The following CLEC16A variants were observed in gnomAD, a reference collection of about 807,000 sequenced individuals.
CLEC16A encodes the protein protein CLEC16A.
Under a neutral mutation model 109.5 loss-of-function variants are expected in CLEC16A, and 51 were observed. The ratio of observed to expected loss-of-function variants is 0.47; its 90% CI spans 0.37 to 0.59. The LOEUF is 0.59. Among genes scored for constraint, CLEC16A ranks in the 20% least tolerant of loss-of-function variants. CLEC16A has a pLI of 0.00. For synonymous variants in CLEC16A, 673 were observed against 564.2 expected, an observed-to-expected ratio of 1.19 and a Z score of -2.73; for missense variants, 1,339 against 1,394.0, an observed-to-expected ratio of 0.96 and a Z score of 0.63.
intron 13 of CLEC16A, among the ~76,000 whole-genome samples, chr16:11,029,319 T>C (rs2152823870): frequency 1.3e-5 from 2 of 152,276 alleles, no homozygotes; most frequent in East Asian, 3.9e-4. Context: ...GGCAGGTCTT[T>C]CCCTTTCTTC....
intron 19 of CLEC16A, among the ~76,000 whole-genome samples, chr16:11,098,114 A>G (rs941948618): frequency 6.6e-6 from 1 of 152,246 alleles, no homozygotes; most frequent in Non-Finnish European, 1.5e-5. Flanking sequence ...CAGTGATCCC[A>G]GGTGATCCTA....
chr16:10,944,631 T>G lies in CLEC16A; in HGVS notation c.-87T>G, dbSNP rs915027425. On this transcript the variant is annotated 5_prime_UTR_variant, in exon 1 of 24. Coordinates refer to ENST00000409790, the MANE Select transcript of CLEC16A (RefSeq NM_015226.3). ...CTCCACCGCCTCCGCCGCCGCATCC[T>G]CCGCTTGTGCTACCGCCGCGGGCGC... The G allele has an allele frequency of 7.6e-7, 1 of 1,315,650 alleles. No individual in the cohort carries two copies. Among genetic ancestry groups the G allele is most frequent in the African/African-American group, 1.5e-5 (1 of 67,918 alleles). The allele number at this position is 1,315,650 out of a possible 1,614,324, so 81.5% of individuals were successfully genotyped here. A position where few individuals can be genotyped will look rare whatever the true frequency, so the allele number is the denominator to read the frequency against.
chr16:11,128,880 A>G (rs2053008460), intron 22 of CLEC16A, among the ~76,000 whole-genome samples: 1 of 152,218 alleles, frequency 6.6e-6, no homozygotes, highest in Non-Finnish European at 1.5e-5. Flanking sequence ...AAGCCTTCTC[A>G]GGATCCCTAG....
At chr16:11,006,912 C>T (rs562152873) in intron 11 of CLEC16A, among the ~76,000 whole-genome samples, 2 of 152,136 alleles carry the variant, frequency 1.3e-5, no homozygotes, top group East Asian at 3.9e-4. Context: ...CACAGGGCCC[C>T]TAAATTTGCA....
At chr16:11,070,317 G>A (rs549722721) in intron 19 of CLEC16A, among the ~76,000 whole-genome samples, 65 of 151,674 alleles carry the variant, frequency 4.3e-4, no homozygotes, top group Non-Finnish European at 5.9e-4. Context: ...TGATCCGCCC[G>A]CCTCGGCCTC....
chr16:11,159,759 T>G (rs1469347346), intron 22 of CLEC16A, among the ~76,000 whole-genome samples: 1 of 152,062 alleles, frequency 6.6e-6, no homozygotes, highest in East Asian at 1.9e-4. Context: ...AAGCTCAGAG[T>G]TAAATGGTGA....
intron 11 of CLEC16A, among the ~76,000 whole-genome samples, chr16:11,015,855 C>G (rs2045714100): frequency 6.6e-6 from 1 of 152,198 alleles, no homozygotes; most frequent in South Asian, 2.1e-4. Context: ...AGAGCTGAGC[C>G]TGGGGAAGGA....
intron 13 of CLEC16A, among the ~76,000 whole-genome samples, chr16:11,037,560 C>T (rs963272194): frequency 3.3e-5 from 5 of 152,194 alleles, no homozygotes; most frequent in East Asian, 3.9e-4. Flanking sequence ...TCTAAGGAGA[C>T]GGAGGGGCAA....
intron 19 of CLEC16A, among the ~76,000 whole-genome samples, chr16:11,105,092 T>A (rs1364661299): frequency 6.6e-6 from 1 of 152,220 alleles, no homozygotes; most frequent in Non-Finnish European, 1.5e-5. Context: ...TTAGGCAATT[T>A]TATTTACTCA....
chr16:11,142,320 TG>T (rs1444414848), intron 22 of CLEC16A, among the ~76,000 whole-genome samples: 1 of 152,200 alleles, frequency 6.6e-6, no homozygotes, highest in Non-Finnish European at 1.5e-5. Context: ...AGTTGGAAGC[TG>T]GGGGCACTGT....
At chr16:11,133,992 A>T (rs1260748239) in intron 22 of CLEC16A, among the ~76,000 whole-genome samples, 1 of 152,058 alleles carries the variant, frequency 6.6e-6, no homozygotes, top group Non-Finnish European at 1.5e-5. Context: ...TAAGCACTTT[A>T]TGCATTATTC....
At position 10,944,756 on chromosome 16, in the gene CLEC16A, T is replaced by G; in HGVS notation, c.39T>G (p.His13Gln). ...CGCGGAGCTGGGTGGGCGGGGGCCATGGCAAGACTTCCCGCAACATCCACT... is the reference window on the plus strand; with the variant it reads ...CGCGGAGCTGGGTGGGCGGGGGCCAGGGCAAGACTTCCCGCAACATCCACT... ...GRSRSWVGGGHGKTSRNIHSL... is the reference protein window; with the variant it reads ...GRSRSWVGGGQGKTSRNIHSL... Residue 13 changes from histidine to glutamine, a missense_variant, in exon 1 of 24, where the codon CAT becomes CAG. Coordinates refer to ENST00000409790, the MANE Select transcript of CLEC16A (RefSeq NM_015226.3). The G allele has an allele frequency of 6.2e-7, 1 of 1,609,786 alleles. No homozygotes were observed. Among genetic ancestry groups the G allele is most frequent in the Non-Finnish European group, 8.5e-7 (1 of 1,178,920 alleles).
rs1240358926 is a variant in CLEC16A, at chr16:11,039,882, C to CA, written c.1660+7dup. 1.2e-6 allele frequency: 2 copies of CA among 1,611,634 alleles called. No homozygotes were observed. Among genetic ancestry groups the CA allele is most frequent in the Admixed American group, 1.7e-5 (1 of 59,762 alleles). On this transcript the variant is annotated splice_region_variant and intron_variant, in intron 14 of 23. Transcript: ENST00000409790. ...GAACAACGCTGCCCAGCCAGGTGCC[C>CA]ACTTGGGGTGTTGTCTGTCCACAGG...
intron 5 of CLEC16A, among the ~76,000 whole-genome samples, chr16:10,972,226 C>T (rs1179932963): frequency 6.6e-6 from 1 of 152,248 alleles, no homozygotes; most frequent in Non-Finnish European, 1.5e-5. Context: ...GGCCCACAGT[C>T]CTGCAGTTGG....
At chr16:10,986,671 A>G (rs1368117671) in intron 10 of CLEC16A, among the ~76,000 whole-genome samples, 4 of 151,694 alleles carry the variant, frequency 2.6e-5, no homozygotes, top group Non-Finnish European at 5.9e-5. Context: ...CACTTAATGT[A>G]ATGTCCTCGA....
chr16:11,068,421 G>A (rs144115911), intron 19 of CLEC16A, among the ~76,000 whole-genome samples: 17 of 152,250 alleles, frequency 1.1e-4, no homozygotes, highest in African/African-American at 3.6e-4. Context: ...GTCTGTCCAC[G>A]CAGAGCCTGC....
intron 10 of CLEC16A, among the ~76,000 whole-genome samples, chr16:10,994,749 G>A (rs973649853): frequency 6.6e-6 from 1 of 152,150 alleles, no homozygotes; most frequent in Admixed American, 6.5e-5. Context: ...CCATATAATT[G>A]TCAGGCTAGA....
At chr16:11,152,644 G>A (rs1173005660) in intron 22 of CLEC16A, among the ~76,000 whole-genome samples, 1 of 152,142 alleles carries the variant, frequency 6.6e-6, no homozygotes, top group Non-Finnish European at 1.5e-5. Flanking sequence ...TTTTAACCAG[G>A]TCCCCTGTAG....
At chr16:11,043,265 A>C (rs2047448622) in intron 15 of CLEC16A, among the ~76,000 whole-genome samples, 1 of 152,114 alleles carries the variant, frequency 6.6e-6, no homozygotes, top group African/African-American at 2.4e-5. Context: ...AAAAAACAAA[A>C]AAGATTAGCC....
Sources: gnomAD v4.1 joint callset for allele counts (sites outside exome capture counted in the v4.1 genomes callset) on GRCh38, gnomAD v4.1.1 for gene constraint, MANE v1.5 for transcripts, NCBI Gene and HGNC (gene_info 2026-07-23, HGNC 2026-07-21) for gene names.